ZNF625: variants seen among roughly 807,000 people sequenced by gnomAD.
The protein encoded by ZNF625 is zinc finger protein 625.
A neutral mutation model predicts 11.1 loss-of-function variants in ZNF625; 8 were observed. The observed-to-expected ratio is 0.72, with a 90% confidence interval of 0.42 to 1.30. The LOEUF (loss-of-function observed/expected upper bound fraction) is 1.30. ZNF625 is among the 50% of genes most tolerant of loss of function. The pLI is 0.01. For synonymous variants in ZNF625, 145 were observed against 153.4 expected, an observed-to-expected ratio of 0.95 and a Z score of 0.41; for missense variants, 349 against 447.6, an observed-to-expected ratio of 0.78 and a Z score of 1.99.
intron 1 of ZNF625, among the ~76,000 whole-genome samples, chr19:12,150,870 T>A (rs1165474340): frequency 6.6e-6 from 1 of 152,026 alleles, no homozygotes; most frequent in African/African-American, 2.4e-5. Flanking sequence ...CTGGGTGAGA[T>A]GGGGGACTGT....
Position 12,145,296 on chromosome 19 carries a change from A to T in ZNF625, c.*1T>A, listed in dbSNP as rs767058568. The stretch of plus-strand genomic sequence containing the variant: ...GGTGGCTTCTAGGAATCTTATGTGA[A>T]TTAAGCAATCTTCTCGCCTTGGCCT... On this transcript the variant is annotated 3_prime_UTR_variant, in exon 4 of 4. Coordinates refer to ENST00000439556, the MANE Select transcript of ZNF625 (RefSeq NM_145233.4). The T allele has an allele frequency of 2.5e-6, 4 of 1,595,444 alleles. No homozygotes were observed. In the East Asian group the frequency reaches 6.7e-5, roughly 27 times the overall value.
chr19:12,147,867 A>G, intron 1 of ZNF625, 65 bp from the exon 2 acceptor site: 4 of 1,576,798 alleles, frequency 2.5e-6, no homozygotes, highest in Non-Finnish European at 3.4e-6. Context: ...CCTATACTCT[A>G]TTCCTACAAA....
At chr19:12,156,488 A>AGAGCCGGTTC (rs1568392154) in intron 1 of ZNF625, 68 bp downstream of exon 1, 1 of 1,342,890 alleles carries the variant, frequency 7.4e-7, no homozygotes, top group East Asian at 2.9e-5. Context: ...GGGTCCTGCT[A>AGAGCCGGTTC]GAGCCGGTTC....
intron 1 of ZNF625, among the ~76,000 whole-genome samples, chr19:12,153,092 G>A (rs138491433): frequency 4.6e-5 from 7 of 151,962 alleles, no homozygotes; most frequent in African/African-American, 9.7e-5. Context: ...GGTGGCTCAC[G>A]CCTGTAATCC....
At chr19:12,147,331 A>C in intron 3 of ZNF625, 64 bp downstream of exon 3, 2 of 1,334,406 alleles carry the variant, frequency 1.5e-6, no homozygotes, top group Non-Finnish European at 2.0e-6. Flanking sequence ...GCTTCTTTTT[A>C]ACATTTTCTT....
intron 1 of ZNF625, among the ~76,000 whole-genome samples, chr19:12,150,222 C>T (rs1016985522): frequency 6.6e-6 from 1 of 152,028 alleles, no homozygotes; most frequent in East Asian, 1.9e-4. Flanking sequence ...ATGAAGATGT[C>T]GATTAGAGAG....
At chr19:12,156,200 T>C (rs778019749) in intron 1 of ZNF625, among the ~76,000 whole-genome samples, 17 of 151,928 alleles carry the variant, frequency 1.1e-4, no homozygotes, top group Non-Finnish European at 2.4e-4. Context: ...CCACCGCTCC[T>C]CCCACACGAA....
chr19:12,147,124 G>A (rs1464709621), intron 3 of ZNF625, among the ~76,000 whole-genome samples: 2 of 151,742 alleles, frequency 1.3e-5, no homozygotes, highest in South Asian at 2.1e-4. Context: ...CCGCCATCAC[G>A]CCCGGCTAAT....
At chr19:12,154,053 C>T (rs543575369) in intron 1 of ZNF625, among the ~76,000 whole-genome samples, 11 of 152,100 alleles carry the variant, frequency 7.2e-5, no homozygotes, top group South Asian at 2.1e-4. Flanking sequence ...GTGATCCACC[C>T]GCCTCAGCCT....
intron 1 of ZNF625, among the ~76,000 whole-genome samples, chr19:12,150,570 G>A (rs1033826387): frequency 6.6e-6 from 1 of 152,156 alleles, no homozygotes; most frequent in Admixed American, 6.6e-5. Flanking sequence ...TGCATGCAAG[G>A]TTGAGGTCAA....
Position 12,145,077 on chromosome 19 carries a change from A to G in ZNF625, c.*220T>C. The G allele has an allele frequency of 1.7e-6, 1 of 579,846 alleles. No individual in the cohort carries two copies. The highest frequency in any genetic ancestry group is 3.0e-5 in the Admixed American group (1 of 33,034). 35.9% of individuals were successfully genotyped at this position (579,846 alleles called of 1,614,324 possible). On this transcript the variant is annotated 3_prime_UTR_variant, in exon 4 of 4. Coordinates refer to ENST00000439556, the MANE Select transcript of ZNF625 (RefSeq NM_145233.4). ...TCTTACTGGAGGTGTGTCTCTCTTA[A>G]GAGTTATTTCCAACTCTGTGTCCTA...
intron 1 of ZNF625, 21 bp downstream of exon 1, chr19:12,156,534 AC>A (rs1261022795): frequency 2.1e-5 from 30 of 1,424,658 alleles, no homozygotes; most frequent in Admixed American, 1.3e-4. Flanking sequence ...CCGTCTCGGG[AC>A]CCCCGGCCCC....
chr19:12,145,894 G>A lies in ZNF625; in HGVS notation c.522C>T (p.Ser174=). ...DCEECGKSFI[S]RSSIRRHRIM... is the part of the protein sequence containing the mutation. The stretch of plus-strand genomic sequence containing the variant: ...TCCTGTGTCTTCGAATGCTTGAACG[G>A]GAAATAAAGCTTTTTCCACATTCCT... Residue 174 remains serine, a synonymous_variant, in exon 4 of 4, where the codon TCC becomes TCT. Transcript: ENST00000439556. 6.2e-7 allele frequency: 1 copy of A among 1,613,950 alleles called. No homozygotes were observed. Among genetic ancestry groups the A allele is most frequent in the Non-Finnish European group, 8.5e-7 (1 of 1,179,968 alleles).
At chr19:12,153,805 CTTT>C (rs912782968) in intron 1 of ZNF625, among the ~76,000 whole-genome samples, 1 of 113,592 alleles carries the variant, frequency 8.8e-6, no homozygotes, top group Non-Finnish European at 1.7e-5. Context: ...TTTTATATTT[CTTT>C]TTTTTTTTTT....
chr19:12,151,156 C>T (rs1976948735), intron 1 of ZNF625, among the ~76,000 whole-genome samples: 1 of 151,572 alleles, frequency 6.6e-6, no homozygotes, highest in Non-Finnish European at 1.5e-5. Context: ...ATGCAGTAAC[C>T]AGGCTTGAAT....
chr19:12,156,100 C>T (rs1977022654), intron 1 of ZNF625, among the ~76,000 whole-genome samples: 1 of 152,116 alleles, frequency 6.6e-6, no homozygotes, highest in African/African-American at 2.4e-5. Flanking sequence ...TGAAGCAATC[C>T]CCCCGCCTCA....
chr19:12,147,842 T>G (rs746206197), intron 1 of ZNF625, 40 bp from the exon 2 acceptor site: 30 of 1,609,606 alleles, frequency 1.9e-5, no homozygotes, highest in Middle Eastern at 3.3e-4. Context: ...TGGGTGAGAC[T>G]GACAGCACTG....
intron 1 of ZNF625, among the ~76,000 whole-genome samples, chr19:12,149,216 C>T (rs540199708): frequency 8.8e-4 from 124 of 140,610 alleles, no homozygotes; most frequent in African/African-American, 3.1e-3. Context: ...ACAAGGGAGT[C>T]GGAGGTTGCA....
chr19:12,156,456 C>G lies in ZNF625; in HGVS notation c.3+100G>C. Reference sequence around the variant, plus strand: ...CCAGGGGGACTCCGCTCTGCAGACCCGAAGTCGCTGCAGGAAGGCCTGGGT... The same window carrying G: ...CCAGGGGGACTCCGCTCTGCAGACCGGAAGTCGCTGCAGGAAGGCCTGGGT... On this transcript the variant is annotated intron_variant, in intron 1 of 3. Transcript: ENST00000439556. 4.8e-6 allele frequency: 5 copies of G among 1,045,040 alleles called. 1 individual carries two copies. Among genetic ancestry groups the G allele is most frequent in the Non-Finnish European group, 6.3e-6 (5 of 791,900 alleles). 64.7% of individuals were successfully genotyped at this position (1,045,040 alleles called of 1,614,324 possible).
Sources: gnomAD v4.1 joint callset for allele counts (sites outside exome capture counted in the v4.1 genomes callset) on GRCh38, gnomAD v4.1.1 for gene constraint, MANE v1.5 for transcripts, NCBI Gene and HGNC (gene_info 2026-07-23, HGNC 2026-07-21) for gene names.